The following CXADR variants were observed in gnomAD, a reference collection of about 807,000 sequenced individuals.
CXADR encodes CXADR cell adhesion molecule, also known as coxsackievirus and adenovirus receptor.
CXADR carries 20 observed loss-of-function variants against 40.3 expected under a neutral mutation model. The observed-to-expected ratio is 0.50, with a 90% CI of 0.35 to 0.72. The LOEUF (loss-of-function observed/expected upper bound fraction) is 0.72. CXADR is among the 30% of genes least tolerant of loss of function. CXADR has a pLI of 0.01. For missense variants in CXADR, 332 were observed against 449.1 expected (o/e 0.74, Z 2.36); for synonymous variants, 150 against 161.3 (o/e 0.93, Z 0.53).
chr21:17,518,805 C>T (rs1157375244), intron 1 of CXADR: 11 of 1,568,148 alleles, frequency 7.0e-6, no homozygotes, highest in Non-Finnish European at 9.6e-6. Context: ...GAATAACTGT[C>T]CCATCATCTT....
chr21:17,543,980 A>G (rs1268959844), intron 1 of CXADR, among the ~76,000 whole-genome samples: 1 of 152,164 alleles, frequency 6.6e-6, no homozygotes, highest in Non-Finnish European at 1.5e-5. Flanking sequence ...CCTGGGTAAC[A>G]TAGTGAGACC....
downstream of CXADR, among the ~76,000 whole-genome samples, chr21:17,570,954 C>A (rs1012750119): frequency 2.0e-5 from 3 of 152,096 alleles, no homozygotes; most frequent in Non-Finnish European, 4.4e-5. Context: ...CTGTGCATTG[C>A]GAAATGTTTG....
chr21:17,590,984 T>C (rs2061430898), intron 7 of CXADR, among the ~76,000 whole-genome samples: 1 of 152,042 alleles, frequency 6.6e-6, no homozygotes, highest in African/African-American at 2.4e-5. Context: ...TGGCCAAAGA[T>C]TTATTAGTGG....
chr21:17,547,318 C>G, intron 2 of CXADR, 125 bp downstream of exon 2: 1 of 1,362,880 alleles, frequency 7.3e-7, no homozygotes, highest in Non-Finnish European at 9.9e-7. Flanking sequence ...ACTTCTCAGG[C>G]TTTATGGTCT....
At chr21:17,515,822 A>C (rs552797239) in intron 1 of CXADR, among the ~76,000 whole-genome samples, 2 of 152,206 alleles carry the variant, frequency 1.3e-5, no homozygotes, top group African/African-American at 2.4e-5. Context: ...AAATAAACAA[A>C]AAAAAAGGCA....
intron 1 of CXADR, among the ~76,000 whole-genome samples, chr21:17,541,240 G>C (rs78866524): frequency 6.6e-6 from 1 of 152,086 alleles, no homozygotes; most frequent in Admixed American, 6.6e-5. Flanking sequence ...TTACACAGAA[G>C]CATTTCCCTG....
At chr21:17,522,298 A>G (rs1451227242) in intron 1 of CXADR, among the ~76,000 whole-genome samples, 1 of 150,392 alleles carries the variant, frequency 6.6e-6, no homozygotes, top group Non-Finnish European at 1.5e-5. Flanking sequence ...ACAGGCATGC[A>G]CCACCACGCC....
At chr21:17,570,410 A>G (rs542762610), downstream of CXADR, among the ~76,000 whole-genome samples, 56 of 152,282 alleles carry the variant, frequency 3.7e-4, no homozygotes, top group African/African-American at 1.3e-3. Flanking sequence ...ACATTGCCCA[A>G]TGTGTGTATA....
chr21:17,611,993 GA>G, the CXADR span: 4 of 152,258 alleles, frequency 2.6e-5, no homozygotes, highest in African/African-American at 4.8e-5. Context: ...ACAAAGCCAT[GA>G]AGAGGGGAAA....
chr21:17,556,349 C>T (rs995360365), intron 3 of CXADR, among the ~76,000 whole-genome samples: 1 of 152,164 alleles, frequency 6.6e-6, no homozygotes, highest in Non-Finnish European at 1.5e-5. Context: ...ATTCAGAAAC[C>T]TGTGTTGGTA....
chr21:17,530,670 C>G (rs558704000), intron 1 of CXADR, among the ~76,000 whole-genome samples: 55 of 151,984 alleles, frequency 3.6e-4, no homozygotes, highest in Non-Finnish European at 6.3e-4. Flanking sequence ...AAAAATTAGC[C>G]GGGCGTGGTA....
At chr21:17,585,316 A>T (rs1462776089) in intron 7 of CXADR, among the ~76,000 whole-genome samples, 1 of 152,214 alleles carries the variant, frequency 6.6e-6, no homozygotes, top group Non-Finnish European at 1.5e-5. Flanking sequence ...GAGTACCATG[A>T]AACTATAAAA....
chr21:17,569,219 T>C lies in CXADR; in HGVS notation c.*3527T>C. The C allele has an allele frequency of 3.0e-6, 3 of 985,382 alleles. No individual in the cohort carries two copies. Among genetic ancestry groups the C allele is most frequent in the Non-Finnish European group, 3.6e-6 (3 of 829,914 alleles). The allele number at this position is 985,382 out of a possible 1,614,324, so 61.0% of individuals were successfully genotyped here. A position where few individuals can be genotyped will look rare whatever the true frequency, so the allele number is the denominator to read the frequency against. On this transcript the variant is annotated 3_prime_UTR_variant, in exon 7 of 7. Coordinates refer to ENST00000284878, the MANE Select transcript of CXADR (RefSeq NM_001338.5). Reference sequence around the variant, plus strand: ...TTTCTTCTAATTTTCACTTCAGCAGTGTTTAGGGCTTTCAGATGCCTTATT... The same window carrying C: ...TTTCTTCTAATTTTCACTTCAGCAGCGTTTAGGGCTTTCAGATGCCTTATT...
At chr21:17,616,623 T>C in the CXADR span, among the ~76,000 whole-genome samples, 1 of 152,120 alleles carries the variant, frequency 6.6e-6, no homozygotes, top group Non-Finnish European at 1.5e-5. Flanking sequence ...TTTTGTGTTA[T>C]GTTAGTTGCA....
At chr21:17,612,878 G>C in the CXADR span, 1 of 152,076 alleles carries the variant, frequency 6.6e-6, no homozygotes, top group African/African-American at 2.4e-5. Flanking sequence ...GAGGACTGGC[G>C]GGCGGACGAG....
At chr21:17,582,214 G>A (rs1329563583) in intron 7 of CXADR, among the ~76,000 whole-genome samples, 1 of 152,176 alleles carries the variant, frequency 6.6e-6, no homozygotes, top group Non-Finnish European at 1.5e-5. Flanking sequence ...GTTTCACCAT[G>A]TAGGCCAGGC....
the CXADR span, among the ~76,000 whole-genome samples, chr21:17,601,691 CAA>C: frequency 1.3e-5 from 2 of 152,196 alleles, no homozygotes; most frequent in African/African-American, 4.8e-5. Context: ...TCAAGACAAT[CAA>C]GGGTTAATTC....
At chr21:17,599,549 C>T in the CXADR span, among the ~76,000 whole-genome samples, 1 of 149,400 alleles carries the variant, frequency 6.7e-6, no homozygotes, top group Non-Finnish European at 1.5e-5. Flanking sequence ...GCAATCTCGG[C>T]CCACTACAAT....
intron 4 of CXADR, among the ~76,000 whole-genome samples, chr21:17,559,461 A>C (rs2061079103): frequency 6.6e-6 from 1 of 151,670 alleles, no homozygotes; most frequent in Non-Finnish European, 1.5e-5. Flanking sequence ...CTGGGATTAC[A>C]GGCATGAGCC....
Sources: gnomAD v4.1 joint callset for allele counts (sites outside exome capture counted in the v4.1 genomes callset) on GRCh38, gnomAD v4.1.1 for gene constraint, MANE v1.5 for transcripts, NCBI Gene and HGNC (gene_info 2026-07-23, HGNC 2026-07-21) for gene names.